PCDH10: variants seen among roughly 807,000 people sequenced by gnomAD.
PCDH10 encodes protocadherin-10.
A neutral mutation model predicts 74.4 loss-of-function variants in PCDH10; 15 were observed. That is an observed-to-expected ratio of 0.20 (90% confidence interval 0.13 to 0.31). PCDH10 has a LOEUF of 0.31. PCDH10 is among the 10% of genes least tolerant of loss of function. The probability of loss-of-function intolerance (pLI) is 1.00; values close to 1 mark genes in which losing one functional copy is unlikely to be tolerated. For synonymous variants in PCDH10, 619 were observed against 589.8 expected, an observed-to-expected ratio of 1.05 and a Z score of -0.72; for missense variants, 1,260 against 1,390.2, an observed-to-expected ratio of 0.91 and a Z score of 1.49.
intron 4 of PCDH10, among the ~76,000 whole-genome samples, chr4:133,181,890 T>A (rs930428712): frequency 3.3e-5 from 5 of 152,118 alleles, no homozygotes; most frequent in African/African-American, 1.2e-4. Context: ...TAGAAATATT[T>A]ACCAACCCAG....
rs1330146478 is a variant in PCDH10, at chr4:133,154,349, C to A, written c.2674C>A (p.Pro892Thr). ...RAELSYLVDR[P>T]RRVNSSAFQE... ...AGAGCTCAGCTATCTAGTTGACAGA[C>A]CTCGCCGAGTTAACAGGTATGGACT... The change falls in exon 2 of 5, where the codon CCT (proline) becomes ACT (threonine). Residue 892 changes from proline to threonine, a missense_variant. By Grantham distance (38) the Pro-to-Thr change is conservative. This residue lies in a region of PCDH10 where 587 missense variants were observed against 616.9 expected (regional missense o/e 0.95). Transcript: ENST00000264360. 1.9e-6 allele frequency: 3 copies of A among 1,605,304 alleles called. No individual in the cohort carries two copies. Among genetic ancestry groups the A allele is most frequent in the Non-Finnish European group, 2.6e-6 (3 of 1,175,968 alleles).
At position 133,161,701 on chromosome 4, in the gene PCDH10, G is replaced by C. The variant is rs572242233; in HGVS notation, c.2798-1276G>C. Among the ~76,000 whole-genome samples, 137 of 151,538 alleles carry C rather than the reference G, an allele frequency of 9.0e-4. 1 individual carries two copies. The highest frequency in any genetic ancestry group is 4.0e-3 in the South Asian group (19 of 4,792). Reference sequence around the variant, plus strand: ...ATAATATACTTTTGTTTTTCAAATTGATCCTCTTTTAAAATTTTTTTATTA... The same window carrying C: ...ATAATATACTTTTGTTTTTCAAATTCATCCTCTTTTAAAATTTTTTTATTA... On this transcript the variant is annotated intron_variant, in intron 3 of 4. Coordinates refer to ENST00000264360, the MANE Select transcript of PCDH10 (RefSeq NM_032961.3).
At chr4:133,198,518 C>T (rs186103708), downstream of PCDH10, among the ~76,000 whole-genome samples, 13 of 152,232 alleles carry the variant, frequency 8.5e-5, no homozygotes, top group South Asian at 2.1e-3. Flanking sequence ...CATTGAATGC[C>T]TCCATAGATG....
chr4:133,179,476 C>G (rs1204338421), intron 4 of PCDH10, among the ~76,000 whole-genome samples: 1 of 152,114 alleles, frequency 6.6e-6, no homozygotes, highest in African/African-American at 2.4e-5. Flanking sequence ...TTCATAGATA[C>G]TTTTTCTCAA....
At chr4:133,157,768 T>C (rs1456548640) in intron 3 of PCDH10, among the ~76,000 whole-genome samples, 2 of 152,192 alleles carry the variant, frequency 1.3e-5, no homozygotes, top group Non-Finnish European at 2.9e-5. Flanking sequence ...TATTTAGATA[T>C]GCCTTCTATT....
chr4:133,150,801 G>A lies in PCDH10; in HGVS notation c.661G>A (p.Gly221Arg), dbSNP rs1726656451. Residue 221 changes from glycine (G) to arginine (R), a missense_variant, in exon 1 of 5, where the codon GGA becomes AGA. By Grantham distance (125) the Gly-to-Arg change is moderately radical (BLOSUM62 -2). This residue lies in a region of PCDH10 where 192 missense variants were observed against 161.2 expected (regional missense o/e 1.19). Transcript: ENST00000264360. ...AGGAGAAGGAGGGGGAGGTGGCGGG[G>A]GAGCAGGCCTGCCCCCCCAGCAGCA... The part of the protein sequence containing the change: ...GVGEGGGGGG[G>R]AGLPPQQQRT... The A allele has an allele frequency of 6.3e-7, 1 of 1,581,912 alleles. No individual in the cohort carries two copies. Among genetic ancestry groups the A allele is most frequent in the Non-Finnish European group, 8.6e-7 (1 of 1,165,172 alleles).
At chr4:133,155,478 A>G (rs1578560116) in intron 3 of PCDH10, among the ~76,000 whole-genome samples, 1 of 152,232 alleles carries the variant, frequency 6.6e-6, no homozygotes, top group East Asian at 1.9e-4. Context: ...CTTGTTTTCC[A>G]GGGCAATGCA....
Position 133,150,716 on chromosome 4 carries a change from G to A in PCDH10, c.576G>A (p.Glu192=), listed in dbSNP as rs148308503. 28 of 1,612,592 alleles carry A rather than the reference G, an allele frequency of 1.7e-5. No individual in the cohort carries two copies. The highest frequency in any genetic ancestry group is 1.5e-5 in the Non-Finnish European group (18 of 1,179,700). ...ELVLEKPLDR[E]QQAVHRYVLT... ...TGCTGGAGAAGCCACTGGACCGAGA[G>A]CAGCAAGCGGTGCACCGCTACGTGC... Residue 192 remains glutamate (E), a synonymous_variant, in exon 1 of 5, where the codon GAG becomes GAA. Coordinates refer to ENST00000264360, the MANE Select transcript of PCDH10 (RefSeq NM_032961.3).
At chr4:133,165,004 A>T (rs1387636127) in intron 4 of PCDH10, among the ~76,000 whole-genome samples, 1 of 147,874 alleles carries the variant, frequency 6.8e-6, no homozygotes, top group African/African-American at 2.5e-5. Context: ...ATACACATAT[A>T]TTCATATATA....
chr4:133,198,068 T>C (rs1727829358), downstream of PCDH10, among the ~76,000 whole-genome samples: 1 of 151,682 alleles, frequency 6.6e-6, no homozygotes, highest in South Asian at 2.1e-4. Context: ...GATAATATTA[T>C]AGGTAAAACA....
intron 4 of PCDH10, among the ~76,000 whole-genome samples, chr4:133,184,579 C>T (rs1727492391): frequency 6.6e-6 from 1 of 151,012 alleles, no homozygotes; most frequent in Non-Finnish European, 1.5e-5. Context: ...GCCAGGATCA[C>T]AGCACTGCAC....
chr4:133,162,567 T>A (rs1726991463), intron 3 of PCDH10, among the ~76,000 whole-genome samples: 1 of 152,172 alleles, frequency 6.6e-6, no homozygotes, highest in Non-Finnish European at 1.5e-5. Flanking sequence ...TATTTATCAT[T>A]GTTAGGGATC....
At chr4:133,184,345 A>G (rs1727483670) in intron 4 of PCDH10, among the ~76,000 whole-genome samples, 2 of 152,060 alleles carry the variant, frequency 1.3e-5, no homozygotes, top group Admixed American at 1.3e-4. Context: ...TAGTTTGGCA[A>G]GGCACAGTAG....
rs1421575689 is a variant in PCDH10 at position 133,151,683 on chromosome 4, T to G, written c.1543T>G (p.Tyr515Asp). ...CQIQGMSVFT[Y>D]VSINSENGYL... is the part of the protein sequence containing the mutation. The stretch of plus-strand genomic sequence containing the variant: ...GATCCAGGGCATGAGCGTCTTCACC[T>G]ACGTTTCTATCAACTCTGAGAACGG... The change falls in exon 1 of 5, where the codon TAC becomes GAC. Residue 515 changes from tyrosine to aspartate, a missense_variant. By Grantham distance (160) the Tyr-to-Asp change is radical (BLOSUM62 -3). Coordinates refer to ENST00000264360, the MANE Select transcript of PCDH10 (RefSeq NM_032961.3). The G allele has an allele frequency of 6.2e-7, 1 of 1,613,514 alleles. No homozygotes were observed. The highest frequency in any genetic ancestry group is 8.5e-7 in the Non-Finnish European group (1 of 1,180,038).
At chr4:133,161,702 A>G (rs1203426436) in intron 3 of PCDH10, among the ~76,000 whole-genome samples, 1 of 151,650 alleles carries the variant, frequency 6.6e-6, no homozygotes, top group Non-Finnish European at 1.5e-5. Context: ...TTTCAAATTG[A>G]TCCTCTTTTA....
In PCDH10 at chr4:133,199,726, C is replaced by A. The variant is rs1351601112; in HGVS notation, n.438-8350C>A. On this transcript the variant is annotated intron_variant and non_coding_transcript_variant, in intron 2 of 2. Coordinates refer to the PCDH10 transcript ENST00000511112. ...GCTTGCTGCCCATGTGGGGCCTGAA[C>A]TGCATTATATTTAAACAACTCCACA... Among the ~76,000 whole-genome samples, 8 of 150,398 alleles carry A rather than the reference C, an allele frequency of 5.3e-5. No homozygotes were observed. The East Asian group carries it at 1.4e-3, about 26-fold the overall frequency.
chr4:133,181,270 A>G (rs1003561846), intron 4 of PCDH10, among the ~76,000 whole-genome samples: 1 of 152,092 alleles, frequency 6.6e-6, no homozygotes, highest in African/African-American at 2.4e-5. Context: ...CTAAAAATTT[A>G]TATTCTAGAT....
chr4:133,196,889 A>G (rs954369527), downstream of PCDH10, among the ~76,000 whole-genome samples: 2 of 152,198 alleles, frequency 1.3e-5, no homozygotes, highest in Non-Finnish European at 2.9e-5. Flanking sequence ...TCAACATTTA[A>G]CCACTGATCT....
chr4:133,153,289 G>T, intron 1 of PCDH10: 1 of 1,006,694 alleles, frequency 9.9e-7, no homozygotes. Context: ...TAGTGAACAA[G>T]TTACCAGATC....
Sources: gnomAD v4.1 joint callset for allele counts (sites outside exome capture counted in the v4.1 genomes callset) on GRCh38, gnomAD v4.1.1 for gene constraint, gnomAD v4.1.1 regional missense constraint, MANE v1.5 for transcripts, NCBI Gene and HGNC (gene_info 2026-07-23, HGNC 2026-07-21) for gene names.